UNC5D: variants seen among roughly 807,000 people sequenced by gnomAD.
UNC5D encodes the protein netrin receptor UNC5D.
A neutral mutation model predicts 105.4 loss-of-function variants in UNC5D; 39 were observed. That is an observed-to-expected ratio of 0.37 (90% CI 0.29 to 0.48). The LOEUF is 0.48. UNC5D is among the 20% of genes least tolerant of loss of function. The pLI, the probability that UNC5D is intolerant of heterozygous loss-of-function variation, is 0.98. For missense variants in UNC5D, 991 were observed against 1,202.4 expected, an observed-to-expected ratio of 0.82 and a Z score of 2.60; for synonymous variants, 452 against 450.4, an observed-to-expected ratio of 1.00 and a Z score of -0.04.
At chr8:35,297,275 A>T (rs1807565013) in intron 1 of UNC5D, among the ~76,000 whole-genome samples, 1 of 152,142 alleles carries the variant, frequency 6.6e-6, no homozygotes, top group South Asian at 2.1e-4. Flanking sequence ...ATTCTTGGTT[A>T]TTGGATTAAT....
At position 35,754,262 on chromosome 8, in the gene UNC5D, T is replaced by C. The variant is rs1830414023; in HGVS notation, c.2163+3453T>C. Among the ~76,000 whole-genome samples the C allele has an allele frequency of 2.0e-5, 3 of 152,304 alleles. No homozygotes were observed. In the South Asian group the frequency reaches 6.2e-4, roughly 32 times the overall value. The stretch of plus-strand genomic sequence containing the variant: ...TCTTAATCAAAATCAGTAAGCAGTT[T>C]TTCATGGAGCATTTCTGCAGAAATT... On this transcript the variant is annotated intron_variant, in intron 13 of 16. Coordinates refer to ENST00000404895, the MANE Select transcript of UNC5D (RefSeq NM_080872.4).
chr8:35,439,152 A>G (rs1807231118), intron 1 of UNC5D, among the ~76,000 whole-genome samples: 2 of 151,982 alleles, frequency 1.3e-5, no homozygotes, highest in Non-Finnish European at 2.9e-5. Flanking sequence ...TACAGACTGA[A>G]AAGTACTTAA....
At chr8:35,589,903 C>T (rs1351987881) in intron 3 of UNC5D, among the ~76,000 whole-genome samples, 4 of 152,148 alleles carry the variant, frequency 2.6e-5, no homozygotes, top group African/African-American at 4.8e-5. Context: ...CATTACAGCT[C>T]GCTCTTCATG....
At chr8:35,337,147 C>T (rs1329584368) in intron 1 of UNC5D, among the ~76,000 whole-genome samples, 1 of 152,082 alleles carries the variant, frequency 6.6e-6, no homozygotes, top group Non-Finnish European at 1.5e-5. Flanking sequence ...ACTGAAATAT[C>T]TTAATTTTGT....
chr8:35,669,033 C>T (rs766606431), intron 4 of UNC5D, among the ~76,000 whole-genome samples: 61 of 152,130 alleles, frequency 4.0e-4, no homozygotes, highest in Non-Finnish European at 7.9e-4. Context: ...CCCCTCCACT[C>T]CCACTTCTTT....
chr8:35,447,110 A>G (rs1313996894), intron 1 of UNC5D, among the ~76,000 whole-genome samples: 1 of 152,068 alleles, frequency 6.6e-6, no homozygotes, highest in Non-Finnish European at 1.5e-5. Context: ...TCCCTGTAAT[A>G]GCTTGTCTAA....
intron 1 of UNC5D, among the ~76,000 whole-genome samples, chr8:35,331,758 C>T (rs183946293): frequency 2.4e-4 from 37 of 152,264 alleles, no homozygotes; most frequent in East Asian, 2.1e-3. Context: ...GAATGGCCTT[C>T]GGAGTCAGCC....
chr8:35,360,076 A>T (rs1585664975), intron 1 of UNC5D, among the ~76,000 whole-genome samples: 1 of 152,268 alleles, frequency 6.6e-6, no homozygotes, highest in Non-Finnish European at 1.5e-5. Flanking sequence ...TCTGGTTTGC[A>T]AACTCAAATA....
chr8:35,757,611 T>G (rs1830572930), intron 13 of UNC5D, among the ~76,000 whole-genome samples: 1 of 152,306 alleles, frequency 6.6e-6, no homozygotes, highest in East Asian at 1.9e-4. Flanking sequence ...ATGCCTAGTG[T>G]CCAGACCCTT....
chr8:35,464,684 C>T (rs747947169), intron 1 of UNC5D, among the ~76,000 whole-genome samples: 2 of 152,046 alleles, frequency 1.3e-5, no homozygotes, highest in African/African-American at 2.4e-5. Context: ...TCAATTCTAA[C>T]CTGCTTATTT....
intron 4 of UNC5D, among the ~76,000 whole-genome samples, chr8:35,661,642 G>T (rs944214066): frequency 5.3e-5 from 8 of 152,162 alleles, no homozygotes; most frequent in African/African-American, 1.9e-4. Context: ...TGGGAAAGAT[G>T]AAGAGTCCTG....
chr8:35,599,016 A>C (rs1056717210), intron 4 of UNC5D, among the ~76,000 whole-genome samples: 2 of 151,712 alleles, frequency 1.3e-5, no homozygotes, highest in Non-Finnish European at 2.9e-5. Context: ...GGTGGCGCAC[A>C]TCTGTAGTCC....
Position 35,446,808 on chromosome 8 carries a change from G to C in UNC5D, c.104-102484G>C, listed in dbSNP as rs539547938. The stretch of plus-strand genomic sequence containing the variant: ...ATTGCCTAACACAGTGACTCTGATG[G>C]CCTGTCCTGTGAGGATTACTCCTTC... On this transcript the variant is annotated intron_variant, in intron 1 of 16. Coordinates refer to ENST00000404895, the MANE Select transcript of UNC5D (RefSeq NM_080872.4). Among the ~76,000 whole-genome samples, 16 of 152,194 alleles carry C rather than the reference G, an allele frequency of 1.1e-4. 1 individual carries two copies. The highest frequency in any genetic ancestry group is 3.9e-4 in the African/African-American group (16 of 41,540).
chr8:35,755,979 C>A (rs1469963900), intron 13 of UNC5D, among the ~76,000 whole-genome samples: 1 of 152,184 alleles, frequency 6.6e-6, no homozygotes, highest in African/African-American at 2.4e-5. Context: ...TACAAATACT[C>A]AGGCCTAGCC....
At chr8:35,622,202 CGTG>C (rs2131033180) in intron 4 of UNC5D, among the ~76,000 whole-genome samples, 1 of 152,160 alleles carries the variant, frequency 6.6e-6, no homozygotes, top group South Asian at 2.1e-4. Context: ...ATTAGCTGGG[CGTG>C]GTGGTGCACA....
intron 4 of UNC5D, among the ~76,000 whole-genome samples, chr8:35,633,446 TA>T (rs1747097211): frequency 1.3e-5 from 2 of 151,928 alleles, no homozygotes; most frequent in Admixed American, 6.6e-5. Flanking sequence ...GATTTTTTTT[TA>T]AAAAAAAATC....
intron 15 of UNC5D, among the ~76,000 whole-genome samples, chr8:35,772,466 G>A (rs763069542): frequency 8.5e-5 from 13 of 152,152 alleles, no homozygotes; most frequent in African/African-American, 1.2e-4. Context: ...GAAAAAGGCC[G>A]TCATGGTTGT....
At chr8:35,502,216 G>A (rs920775498) in intron 1 of UNC5D, among the ~76,000 whole-genome samples, 6 of 152,162 alleles carry the variant, frequency 3.9e-5, no homozygotes, top group Admixed American at 1.3e-4. Context: ...AGAGCCTACC[G>A]AAAGCACTCA....
intron 1 of UNC5D, chr8:35,256,410 T>G (rs1007010199): frequency 2.0e-5 from 3 of 152,142 alleles, no homozygotes; most frequent in African/African-American, 7.2e-5. Flanking sequence ...GGTGGTTTGC[T>G]GCACCCATTA....
Sources: allele counts gnomAD v4.1 joint callset (sites outside exome capture counted in the v4.1 genomes callset), GRCh38; gene constraint gnomAD v4.1.1; transcripts MANE v1.5; gene names NCBI Gene and HGNC (gene_info 2026-07-23, HGNC 2026-07-21).